The following TBC1D16 variants were observed in gnomAD, a reference collection of about 807,000 sequenced individuals.
TBC1D16 encodes the protein CTD-2529O21.1.
Under a neutral mutation model 74.7 loss-of-function variants are expected in TBC1D16, and 58 were observed. The observed-to-expected ratio is 0.78, with a 90% CI of 0.63 to 0.97. The LOEUF is 0.97. TBC1D16 is among the 50% of genes least tolerant of loss of function. TBC1D16 has a pLI of 0.00. For synonymous variants in TBC1D16, 493 were observed against 474.7 expected (o/e 1.04, Z -0.50); for missense variants, 1,014 against 1,079.5 (o/e 0.94, Z 0.85).
At chr17:79,946,009 C>T (rs529690644) in intron 9 of TBC1D16, among the ~76,000 whole-genome samples, 47 of 152,338 alleles carry the variant, frequency 3.1e-4, no homozygotes, top group African/African-American at 1.1e-3. Context: ...GTGTGGCTGA[C>T]CCCCTTGCAG....
rs1423902348 is a variant in TBC1D16 at position 80,025,662 on chromosome 17, G to C, written c.-63+10133C>G. ...CCCACCCAGGAGCACCCTCCTGCTA[G>C]AGTGCCAGGGAGACACTGCTGCCTA... On this transcript the variant is annotated intron_variant, in intron 1 of 11. Coordinates refer to ENST00000310924, the MANE Select transcript of TBC1D16 (RefSeq NM_019020.4). 4 of 132,602 alleles carry C rather than the reference G, an allele frequency of 3.0e-5. No homozygotes were observed. In the East Asian group the frequency reaches 6.5e-4, roughly 21 times the overall value. The allele number at this position is 132,602 out of a possible 1,614,324, so 8.2% of individuals were successfully genotyped here. A position where few individuals can be genotyped will look rare whatever the true frequency, so the allele number is the denominator to read the frequency against.
In TBC1D16 at chr17:80,021,549, A is replaced by T. The variant is rs188475512; in HGVS notation, c.-62-7940T>A. ...GTGGAATTCTTATTATTTTTAATAC[A>T]GAGATTAAGCTGAGATGGAATTTTC... On this transcript the variant is annotated intron_variant, in intron 1 of 11. Coordinates refer to ENST00000310924, the MANE Select transcript of TBC1D16 (RefSeq NM_019020.4). 1.4e-3 allele frequency among the ~76,000 whole-genome samples: 211 copies of T among 149,898 alleles called. 4 individuals carry two copies. The highest frequency in any genetic ancestry group is 1.8e-3 in the Non-Finnish European group (122 of 68,028).
At chr17:79,949,491 C>T (rs1598331316) in intron 7 of TBC1D16, among the ~76,000 whole-genome samples, 1 of 152,344 alleles carries the variant, frequency 6.6e-6, no homozygotes, top group South Asian at 2.1e-4. Context: ...ATTCTAAAAC[C>T]TTGACATGTG....
intron 2 of TBC1D16, among the ~76,000 whole-genome samples, chr17:80,011,297 T>C (rs2035882290): frequency 6.7e-6 from 1 of 148,150 alleles, no homozygotes; most frequent in South Asian, 2.1e-4. Flanking sequence ...ACCGCCCACC[T>C]CAGCCTCCCA....
rs1568580163 is a variant in TBC1D16, at chr17:79,950,528, C to T, written c.1140G>A (p.Lys380=). ...CGGGGTGCGTCTCGGAGGACGGCAGCTTGGGGCGGCGGATGGAGAACTGCA... is the reference window on the plus strand; with the variant it reads ...CGGGGTGCGTCTCGGAGGACGGCAGTTTGGGGCGGCGGATGGAGAACTGCA... ...TCMQFSIRRP[K]LPSSETHPEE... The change falls in exon 6 of 12, where the codon AAG becomes AAA. Residue 380 remains lysine, a synonymous_variant. Transcript: ENST00000310924. The surrounding 1 kb of genome is among the most constrained non-coding windows in gnomAD (Gnocchi z 4.6). 1.9e-6 allele frequency: 3 copies of T among 1,613,366 alleles called. No individual in the cohort carries two copies. The highest frequency in any genetic ancestry group is 2.2e-5 in the East Asian group (1 of 44,866).
At position 80,008,931 on chromosome 17, in the gene TBC1D16, T is replaced by C. The variant is rs561918148; in HGVS notation, c.779+1229A>G. On this transcript the variant is annotated intron_variant, in intron 3 of 11. Transcript: ENST00000310924. The surrounding 1 kb of genome is among the most constrained non-coding windows in gnomAD (Gnocchi z 4.5). ...CGGCTTAATCGGCCTGGGGTGACCT[T>C]TTATGCTGCAGCCCTGGGGCAGACC... 7.2e-5 allele frequency among the ~76,000 whole-genome samples: 11 copies of C among 152,264 alleles called. No homozygotes were observed. The highest frequency in any genetic ancestry group is 2.6e-4 in the African/African-American group (11 of 41,568).
intron 3 of TBC1D16, among the ~76,000 whole-genome samples, chr17:79,991,539 C>T (rs953382949): frequency 6.6e-6 from 1 of 152,182 alleles, no homozygotes; most frequent in Admixed American, 6.5e-5. Flanking sequence ...AGTGAGTGTG[C>T]ACCCCAGCCC....
intron 9 of TBC1D16, among the ~76,000 whole-genome samples, chr17:79,946,871 C>T (rs932790214): frequency 3.9e-5 from 6 of 152,234 alleles, no homozygotes; most frequent in Non-Finnish European, 8.8e-5. Context: ...ATCACGGGCA[C>T]CTCCCACAGT....
intron 1 of TBC1D16, among the ~76,000 whole-genome samples, chr17:80,027,291 C>T (rs1486403807): frequency 2.6e-5 from 4 of 151,966 alleles, no homozygotes; most frequent in Admixed American, 6.6e-5. Context: ...GGTGAAACCC[C>T]GTCTCTACAA....
At position 79,943,802 on chromosome 17, in the gene TBC1D16, G is replaced by A. The variant is rs2032258815; in HGVS notation, c.1908+1106C>T. ...GGACCCATCTGCCGGGCCACGCGCT[G>A]AGTTCACGGGTAACATCAGCCTGAA... On this transcript the variant is annotated intron_variant, in intron 10 of 11. Coordinates refer to ENST00000310924, the MANE Select transcript of TBC1D16 (RefSeq NM_019020.4). The A allele has an allele frequency of 4.7e-5, 61 of 1,288,770 alleles. No individual in the cohort carries two copies. The South Asian group carries it at 9.0e-4, about 19-fold the overall frequency. The allele number at this position is 1,288,770 out of a possible 1,614,324, so 79.8% of individuals were successfully genotyped here. A position where few individuals can be genotyped will look rare whatever the true frequency, so the allele number is the denominator to read the frequency against.
chr17:79,962,201 ATTTTTTTTTTTT>A (rs563506473), intron 3 of TBC1D16, among the ~76,000 whole-genome samples: 1 of 64,920 alleles, frequency 1.5e-5, no homozygotes. Context: ...ATCTCAACCT[ATTTTTTTTTTTT>A]TTTTTTTTTT....
chr17:79,952,743 C>G lies in TBC1D16; in HGVS notation c.855G>C (p.Glu285Asp). 2.5e-6 allele frequency: 4 copies of G among 1,612,266 alleles called. No homozygotes were observed. The highest frequency in any genetic ancestry group is 3.4e-6 in the Non-Finnish European group (4 of 1,179,438). ...NGLLQTPRWD[E>D]PQRVCALEQI... ...GCTCCAGGGCGCACACCCGCTGCGG[C>G]TCGTCCCAGCGTGGGGTCTGCAGGA... Residue 285 changes from glutamate to aspartate, a missense_variant, in exon 4 of 12, where the codon GAG (glutamate) becomes GAC (aspartate). Glu to Asp is a conservative substitution (Grantham distance 45). Coordinates refer to ENST00000310924, the MANE Select transcript of TBC1D16 (RefSeq NM_019020.4).
chr17:79,956,357 G>A lies in TBC1D16; in HGVS notation c.780-3539C>T, dbSNP rs1167523580. The stretch of plus-strand genomic sequence containing the variant: ...CAGCCTCAGCCTCCGGGGCTCAAGC[G>A]ATCCTCCAGCCTCAGTCTCCCAAGT... On this transcript the variant is annotated intron_variant, in intron 3 of 11. Coordinates refer to ENST00000310924, the MANE Select transcript of TBC1D16 (RefSeq NM_019020.4). The surrounding 1 kb of genome is among the most constrained non-coding windows in gnomAD (Gnocchi z 4.0). 2.6e-5 allele frequency among the ~76,000 whole-genome samples: 4 copies of A among 152,204 alleles called. No individual in the cohort carries two copies. Among genetic ancestry groups the A allele is most frequent in the South Asian group, 2.1e-4 (1 of 4,832 alleles).
At chr17:79,967,189 A>G (rs1598360166) in intron 3 of TBC1D16, among the ~76,000 whole-genome samples, 1 of 152,218 alleles carries the variant, frequency 6.6e-6, no homozygotes, top group Admixed American at 6.5e-5. Context: ...CTTCTAGTCA[A>G]CCTTGTGCTG....
chr17:79,964,329 T>G (rs531104440), intron 3 of TBC1D16, among the ~76,000 whole-genome samples: 79 of 152,304 alleles, frequency 5.2e-4, no homozygotes, highest in African/African-American at 1.8e-3. Flanking sequence ...TCCTGGACAA[T>G]TATTCCTTAT....
Position 79,932,518 on chromosome 17 carries a change from C to G in TBC1D16, c.*8341G>C, listed in dbSNP as rs572266692. On this transcript the variant is annotated 3_prime_UTR_variant, in exon 12 of 12. Coordinates refer to ENST00000310924, the MANE Select transcript of TBC1D16 (RefSeq NM_019020.4). ...CCCAGTTAGAGCGCTGACCTCCCAT[C>G]TCAGGACTTCTTGGCCCTTGCCCAT... is the stretch of plus-strand genomic sequence containing the variant. 1 of 152,484 alleles carries G rather than the reference C, an allele frequency of 6.6e-6. No homozygotes were observed. Among genetic ancestry groups the G allele is most frequent in the Non-Finnish European group, 1.5e-5 (1 of 68,108 alleles). The allele number at this position is 152,484 out of a possible 1,614,324, so 9.4% of individuals were successfully genotyped here. A position where few individuals can be genotyped will look rare whatever the true frequency, so the allele number is the denominator to read the frequency against.
intron 3 of TBC1D16, among the ~76,000 whole-genome samples, chr17:80,007,000 C>T (rs1482541408): frequency 6.6e-6 from 1 of 152,152 alleles, no homozygotes; most frequent in African/African-American, 2.4e-5. Flanking sequence ...AAGCTCTCAG[C>T]AGTCTGTCTT....
At position 79,941,920 on chromosome 17, in the gene TBC1D16, C is replaced by T. The variant is rs145968977; in HGVS notation, c.2055+140G>A. ...CCAGTGCTATGGGTGGGGGAGGGCA[C>T]GTGCTGGGGGGCCATGGTGGGGATG... On this transcript the variant is annotated intron_variant, in intron 11 of 11. Transcript: ENST00000310924. This position sits in a 1 kb window ranked among gnomAD's most constrained non-coding sequence, Gnocchi z 4.3. The T allele has an allele frequency of 7.6e-5, 55 of 723,668 alleles. No individual in the cohort carries two copies. In the Middle Eastern group the frequency reaches 1.2e-3, roughly 16 times the overall value. The allele number at this position is 723,668 out of a possible 1,614,324, so 44.8% of individuals were successfully genotyped here. A position where few individuals can be genotyped will look rare whatever the true frequency, so the allele number is the denominator to read the frequency against.
intron 3 of TBC1D16, among the ~76,000 whole-genome samples, chr17:79,989,910 C>T (rs558833502): frequency 6.6e-6 from 1 of 152,230 alleles, no homozygotes; most frequent in Admixed American, 6.5e-5. Flanking sequence ...CCGAGGGGTC[C>T]CCACCCTCCT....
Sources: gnomAD v4.1 joint callset for allele counts (sites outside exome capture counted in the v4.1 genomes callset) on GRCh38, gnomAD v4.1.1 for gene constraint, Gnocchi (gnomAD v3.1) non-coding constraint, MANE v1.5 for transcripts, NCBI Gene and HGNC (gene_info 2026-07-23, HGNC 2026-07-21) for gene names.